HMGCLL1: variants seen among roughly 807,000 people sequenced by gnomAD.
HMGCLL1 encodes 3-hydroxymethyl-3-methylglutaryl-CoA lyase, cytoplasmic.
In HMGCLL1, 36 loss-of-function variants were observed where a neutral mutation model predicts 39.1. The ratio of observed to expected loss-of-function variants is 0.92; its 90% confidence interval spans 0.71 to 1.22. The LOEUF (loss-of-function observed/expected upper bound fraction) is 1.22. Ranked by LOEUF, HMGCLL1 falls within the 50% of genes most tolerant of loss-of-function variation. The pLI, the probability that HMGCLL1 is intolerant of heterozygous loss-of-function variation, is 0.00. For missense variants in HMGCLL1, 451 were observed against 416.5 expected, an observed-to-expected ratio of 1.08 and a Z score of -0.72; for synonymous variants, 149 against 144.0, an observed-to-expected ratio of 1.03 and a Z score of -0.25.
At chr6:55,624,362 C>A in the HMGCLL1 span, among the ~76,000 whole-genome samples, 1 of 152,184 alleles carries the variant, frequency 6.6e-6, no homozygotes, top group Admixed American at 6.5e-5. Context: ...AGCAAATTAA[C>A]ACATCTCCTG....
intron 7 of HMGCLL1, 162 bp from the exon 8 acceptor site, chr6:55,439,721 A>G (rs1763518469): frequency 1.8e-6 from 1 of 557,728 alleles, no homozygotes; most frequent in Non-Finnish European, 3.0e-6. Context: ...CAGGGTGCTT[A>G]TTTCTTTTAT....
At chr6:55,477,346 TTTAG>T (rs1561905075) in intron 7 of HMGCLL1, among the ~76,000 whole-genome samples, 13 of 30,164 alleles carry the variant, frequency 4.3e-4, no homozygotes, top group African/African-American at 1.9e-3. Flanking sequence ...ATATATTATA[TTTAG>T]ATAATATATA....
intron 1 of HMGCLL1, among the ~76,000 whole-genome samples, chr6:55,561,971 T>G (rs1176987369): frequency 6.6e-6 from 1 of 152,106 alleles, no homozygotes; most frequent in Non-Finnish European, 1.5e-5. Flanking sequence ...TCTATAAAAT[T>G]TCCTTACAAA....
chr6:55,610,368 A>AT, the HMGCLL1 span, among the ~76,000 whole-genome samples: 1 of 152,040 alleles, frequency 6.6e-6, no homozygotes, highest in Non-Finnish European at 1.5e-5. Context: ...AATACACAGC[A>AT]CGAGAATTTC....
intron 1 of HMGCLL1, among the ~76,000 whole-genome samples, chr6:55,543,461 C>CTTATATA (rs1769729965): frequency 1.1e-5 from 1 of 91,094 alleles, no homozygotes; most frequent in Admixed American, 1.5e-4. Flanking sequence ...TGATATATAT[C>CTTATATA]ATATATATCA....
At chr6:55,495,691 G>A in intron 6 of HMGCLL1, 84 bp from the exon 7 acceptor site, 1 of 984,348 alleles carries the variant, frequency 1.0e-6, no homozygotes, top group African/African-American at 1.7e-5. Context: ...ATCATCTAAA[G>A]GTAAAAATTA....
At chr6:55,588,566 G>A in the HMGCLL1 span, among the ~76,000 whole-genome samples, 77 of 152,200 alleles carry the variant, frequency 5.1e-4, no homozygotes, top group Non-Finnish European at 8.1e-4. Flanking sequence ...GAGCAGAACT[G>A]AAGGAGTTAG....
the HMGCLL1 span, among the ~76,000 whole-genome samples, chr6:55,616,781 AT>A: frequency 3.0e-4 from 46 of 152,240 alleles, no homozygotes; most frequent in Middle Eastern, 3.4e-3. Context: ...GAAGTAAAAA[AT>A]ATCAGTAAAG....
At chr6:55,645,310 G>T in the HMGCLL1 span, among the ~76,000 whole-genome samples, 1 of 151,678 alleles carries the variant, frequency 6.6e-6, no homozygotes, top group Non-Finnish European at 1.5e-5. Flanking sequence ...AAAGACTTTA[G>T]GTTTTTCCAA....
chr6:55,510,672 A>G (rs1286850441), intron 5 of HMGCLL1, among the ~76,000 whole-genome samples: 1 of 149,206 alleles, frequency 6.7e-6, no homozygotes, highest in Non-Finnish European at 1.5e-5. Flanking sequence ...GGATAGCATT[A>G]AGAGATATAC....
intron 1 of HMGCLL1, among the ~76,000 whole-genome samples, chr6:55,568,476 AAT>A (rs377282378): frequency 0.013 from 2,004 of 152,308 alleles, 31 homozygotes; most frequent in Non-Finnish European, 0.023. Flanking sequence ...GAGGAAGCTA[AAT>A]ATATTAATTA....
the HMGCLL1 span, among the ~76,000 whole-genome samples, chr6:55,659,506 G>A: frequency 1.3e-5 from 2 of 151,848 alleles, no homozygotes; most frequent in Non-Finnish European, 2.9e-5. Flanking sequence ...TGGCATAATT[G>A]GTTAATTGCT....
intron 7 of HMGCLL1, among the ~76,000 whole-genome samples, chr6:55,474,254 A>G (rs1432699627): frequency 6.6e-6 from 1 of 151,478 alleles, no homozygotes; most frequent in Non-Finnish European, 1.5e-5. Context: ...TACATAATGG[A>G]TCTCTACAGA....
chr6:55,500,277 T>G (rs1766807377), intron 5 of HMGCLL1, among the ~76,000 whole-genome samples: 1 of 151,878 alleles, frequency 6.6e-6, no homozygotes. Context: ...AATTATTACG[T>G]AAGGTAGTGG....
chr6:55,650,820 C>A, the HMGCLL1 span, among the ~76,000 whole-genome samples: 1 of 152,014 alleles, frequency 6.6e-6, no homozygotes. Flanking sequence ...TGGCTTCCAC[C>A]ACAATCTGTC....
At chr6:55,565,896 A>T (rs1771187488) in intron 1 of HMGCLL1, among the ~76,000 whole-genome samples, 1 of 151,518 alleles carries the variant, frequency 6.6e-6, no homozygotes, top group Admixed American at 6.6e-5. Context: ...CTAGGCAAGC[A>T]GAGTTCTAAA....
intron 1 of HMGCLL1, among the ~76,000 whole-genome samples, chr6:55,553,140 T>C (rs12202950): frequency 1.9e-5 from 2 of 103,684 alleles, no homozygotes; most frequent in Admixed American, 9.7e-5. Flanking sequence ...CAAAACTCCA[T>C]CTCTCTCTCT....
intron 5 of HMGCLL1, 152 bp downstream of exon 5, chr6:55,513,896 G>A (rs1213147599): frequency 1.6e-6 from 1 of 631,314 alleles, no homozygotes; most frequent in Non-Finnish European, 2.6e-6. Context: ...TTAATGAGAT[G>A]TAACTATATA....
intron 7 of HMGCLL1, among the ~76,000 whole-genome samples, chr6:55,458,210 C>T (rs73744299): frequency 0.17 from 25,933 of 152,084 alleles, 2,433 homozygotes; most frequent in African/African-American, 0.26. Flanking sequence ...GGCAAGTATT[C>T]ATCATATCAT....
Sources: allele counts gnomAD v4.1 joint callset (sites outside exome capture counted in the v4.1 genomes callset), GRCh38; gene constraint gnomAD v4.1.1; transcripts MANE v1.5; gene names NCBI Gene and HGNC (gene_info 2026-07-23, HGNC 2026-07-21).